The following CDCA2 variants were observed in gnomAD, a reference collection of about 807,000 sequenced individuals.
CDCA2 encodes cell division cycle associated 2, also known as cell division cycle-associated protein 2.
CDCA2 carries 44 observed loss-of-function variants against 67.0 expected under a neutral mutation model. That is an observed-to-expected ratio of 0.66 (90% CI 0.52 to 0.84). The LOEUF (loss-of-function observed/expected upper bound fraction) is 0.84. CDCA2 is among the 40% of genes least tolerant of loss of function. The pLI is 0.00. For synonymous variants in CDCA2, 447 were observed against 418.7 expected (o/e 1.07, Z -0.82); for missense variants, 1,253 against 1,203.2 (o/e 1.04, Z -0.61).
chr8:25,460,170 A>G (rs1220337309), intron 1 of CDCA2, 70 bp from the exon 2 acceptor site: 1 of 1,440,086 alleles, frequency 6.9e-7, no homozygotes, highest in Non-Finnish European at 9.8e-7. Context: ...AGTCCTGAAT[A>G]AGGTACGTGA....
chr8:25,475,262 T>C (rs1197137180), intron 7 of CDCA2, among the ~76,000 whole-genome samples: 2 of 152,224 alleles, frequency 1.3e-5, no homozygotes, highest in East Asian at 3.9e-4. Flanking sequence ...GGCTCACGCC[T>C]GTAATCCCAG....
chr8:25,470,993 C>T (rs547476275), intron 7 of CDCA2, among the ~76,000 whole-genome samples: 3 of 152,242 alleles, frequency 2.0e-5, no homozygotes, highest in African/African-American at 7.2e-5. Context: ...AACTCCTTGC[C>T]TTTAGCAATC....
intron 5 of CDCA2, among the ~76,000 whole-genome samples, chr8:25,467,194 C>G (rs1802949046): frequency 6.6e-6 from 1 of 151,378 alleles, no homozygotes; most frequent in African/African-American, 2.4e-5. Context: ...ATTTCAGATA[C>G]CAGAATGTGA....
At chr8:25,473,445 T>C (rs1216814813) in intron 7 of CDCA2, among the ~76,000 whole-genome samples, 2 of 152,190 alleles carry the variant, frequency 1.3e-5, no homozygotes, top group Admixed American at 6.5e-5. Flanking sequence ...TCTTTTTTCA[T>C]TTTTCAAGAG....
intron 7 of CDCA2, chr8:25,472,084 C>A (rs562157218): frequency 1.5e-4 from 23 of 152,264 alleles, no homozygotes; most frequent in African/African-American, 5.3e-4. Context: ...TCCTTTACCC[C>A]CTCTGCTTCC....
chr8:25,497,510 A>AAAAT (rs1804277647), intron 13 of CDCA2, among the ~76,000 whole-genome samples: 1 of 94,224 alleles, frequency 1.1e-5, no homozygotes, highest in African/African-American at 2.9e-5. Context: ...AAAAAATAAA[A>AAAAT]AAAAAAAAAA....
At chr8:25,468,753 G>A (rs7828285) in intron 6 of CDCA2, among the ~76,000 whole-genome samples, 7,984 of 152,174 alleles carry the variant, frequency 0.052, 707 homozygotes, top group African/African-American at 0.18. Flanking sequence ...TTGCCCTTAG[G>A]CAGTATTTTT....
At chr8:25,499,492 C>G (rs1039700122) in intron 13 of CDCA2, among the ~76,000 whole-genome samples, 4 of 151,566 alleles carry the variant, frequency 2.6e-5, no homozygotes, top group Non-Finnish European at 1.5e-5. Flanking sequence ...TTGGTAGAGA[C>G]GGGGTTTCGT....
At chr8:25,506,197 C>T (rs1288128206) in intron 14 of CDCA2, among the ~76,000 whole-genome samples, 1 of 152,214 alleles carries the variant, frequency 6.6e-6, no homozygotes, top group African/African-American at 2.4e-5. Flanking sequence ...GCCTCATACT[C>T]ATGGACCTTG....
intron 4 of CDCA2, among the ~76,000 whole-genome samples, chr8:25,465,926 G>A (rs531921897): frequency 8.5e-5 from 13 of 152,240 alleles, no homozygotes; most frequent in Admixed American, 3.9e-4. Context: ...ATCCCAGAGC[G>A]CAATGTTTTT....
chr8:25,501,608 A>G (rs771642308), intron 13 of CDCA2, among the ~76,000 whole-genome samples: 1 of 152,184 alleles, frequency 6.6e-6, no homozygotes, highest in Non-Finnish European at 1.5e-5. Flanking sequence ...CATCGCCCCC[A>G]TAGTAGGCCA....
At chr8:25,481,819 A>G (rs1340241932) in intron 8 of CDCA2, among the ~76,000 whole-genome samples, 1 of 152,260 alleles carries the variant, frequency 6.6e-6, no homozygotes, top group Non-Finnish European at 1.5e-5. Context: ...CTAAAAGTAA[A>G]CATGAGCTTT....
chr8:25,486,955 A>G (rs1173736375), intron 11 of CDCA2, among the ~76,000 whole-genome samples: 1 of 152,318 alleles, frequency 6.6e-6, no homozygotes, highest in African/African-American at 2.4e-5. Context: ...ATGGGTGTTC[A>G]TGAAAATACA....
chr8:25,492,558 G>A (rs961430016), intron 13 of CDCA2, among the ~76,000 whole-genome samples: 1 of 152,138 alleles, frequency 6.6e-6, no homozygotes, highest in Non-Finnish European at 1.5e-5. Context: ...AAGTTTTAGA[G>A]TAAATATGAA....
chr8:25,489,135 T>A (rs1453556428), intron 13 of CDCA2, among the ~76,000 whole-genome samples: 1 of 152,136 alleles, frequency 6.6e-6, no homozygotes, highest in African/African-American at 2.4e-5. Context: ...ACACTTCTGG[T>A]CGTCTCAGAT....
intron 4 of CDCA2, among the ~76,000 whole-genome samples, chr8:25,464,397 T>A (rs1291572347): frequency 6.6e-6 from 1 of 152,196 alleles, no homozygotes; most frequent in Non-Finnish European, 1.5e-5. Flanking sequence ...GCCTGGCTGA[T>A]AGAGCAAGAC....
chr8:25,482,361 GTTC>G (rs1296358093), intron 8 of CDCA2, among the ~76,000 whole-genome samples: 1 of 152,092 alleles, frequency 6.6e-6, no homozygotes, highest in African/African-American at 2.4e-5. Context: ...TTTTAATGCA[GTTC>G]TTCTATCTGG....
chr8:25,494,314 T>TA (rs944156352), intron 13 of CDCA2, among the ~76,000 whole-genome samples: 21 of 147,184 alleles, frequency 1.4e-4, no homozygotes, highest in Middle Eastern at 3.5e-3. Context: ...ATATATTACT[T>TA]AAAAAAAAAA....
At chr8:25,478,888 G>A (rs5890243) in intron 7 of CDCA2, among the ~76,000 whole-genome samples, 44,690 of 111,002 alleles carry the variant, frequency 0.4, 7,894 homozygotes, top group Middle Eastern at 0.55. Flanking sequence ...TTGTGTGTGT[G>A]TATATATATA....
Sources: allele counts gnomAD v4.1 joint callset (sites outside exome capture counted in the v4.1 genomes callset), GRCh38; gene constraint gnomAD v4.1.1; transcripts MANE v1.5; gene names NCBI Gene and HGNC (gene_info 2026-07-23, HGNC 2026-07-21).